Variants in INPP4B observed in about 807,000 individuals in gnomAD.
INPP4B encodes inositol polyphosphate 4-phosphatase type II.
In INPP4B, 55 loss-of-function variants were observed where a neutral mutation model predicts 122.5. The ratio of observed to expected loss-of-function variants is 0.45; its 90% confidence interval spans 0.36 to 0.56. The LOEUF is 0.56. INPP4B is among the 20% of genes least tolerant of loss of function. INPP4B has a pLI of 0.00. For synonymous variants in INPP4B, 403 were observed against 388.7 expected (o/e 1.04, Z -0.43); for missense variants, 1,000 against 1,097.7 (o/e 0.91, Z 1.26).
At chr4:142,771,056 A>G (rs1772984284) in intron 1 of INPP4B, among the ~76,000 whole-genome samples, 1 of 152,184 alleles carries the variant, frequency 6.6e-6, no homozygotes, top group Admixed American at 6.5e-5. Context: ...ACTTGAAATC[A>G]TAGGATGCTC....
At chr4:142,479,763 T>C (rs1820275819) in intron 2 of INPP4B, among the ~76,000 whole-genome samples, 1 of 151,898 alleles carries the variant, frequency 6.6e-6, no homozygotes, top group African/African-American at 2.4e-5. Flanking sequence ...AAATATTGAG[T>C]ACACGTGGAC....
At position 142,030,061 on chromosome 4, in the gene INPP4B, A is replaced by C. The variant is rs867532211; in HGVS notation, c.2643-1147T>G. 4.6e-5 allele frequency: 64 copies of C among 1,398,704 alleles called. No homozygotes were observed. In the Middle Eastern group the frequency reaches 2.0e-3, roughly 43 times the overall value. 86.6% of individuals were successfully genotyped at this position (1,398,704 alleles called of 1,614,324 possible). ...GAATTTGAAAATGTAAAAATATTAC[A>C]GCATTGTCCCCATAATTTAAAGTTC... On this transcript the variant is annotated intron_variant, in intron 25 of 25. Transcript: ENST00000262992.
chr4:142,164,405 TA>T (rs1485242796), intron 16 of INPP4B, among the ~76,000 whole-genome samples: 1 of 151,892 alleles, frequency 6.6e-6, no homozygotes, highest in Non-Finnish European at 1.5e-5. Context: ...TGCAAGTGAT[TA>T]TTATTTTAGT....
chr4:142,397,292 T>G (rs781636419), intron 7 of INPP4B, among the ~76,000 whole-genome samples: 1 of 152,086 alleles, frequency 6.6e-6, no homozygotes, highest in Non-Finnish European at 1.5e-5. Flanking sequence ...AACCACGTAG[T>G]ACACATTTTA....
At chr4:142,035,871 AGGCATG>A (rs1743552812) in intron 25 of INPP4B, among the ~76,000 whole-genome samples, 1 of 152,146 alleles carries the variant, frequency 6.6e-6, no homozygotes, top group African/African-American at 2.4e-5. Flanking sequence ...ACATGCATGC[AGGCATG>A]TGTTGGGTAG....
intron 7 of INPP4B, among the ~76,000 whole-genome samples, chr4:142,367,738 T>A (rs1340702660): frequency 6.6e-6 from 1 of 152,164 alleles, no homozygotes. Context: ...GTTTGAGAAT[T>A]GTGCCAGGTT....
At chr4:142,728,674 T>A (rs892044287) in intron 1 of INPP4B, among the ~76,000 whole-genome samples, 3 of 151,842 alleles carry the variant, frequency 2.0e-5, no homozygotes, top group Non-Finnish European at 4.4e-5. Flanking sequence ...GAGTGATAAA[T>A]CTACAAGCTA....
At chr4:142,842,922 A>T (rs927951755) in intron 1 of INPP4B, among the ~76,000 whole-genome samples, 4 of 140,738 alleles carry the variant, frequency 2.8e-5, no homozygotes, top group Non-Finnish European at 4.6e-5. Flanking sequence ...TATATACTAT[A>T]TATAATATAC....
chr4:142,355,115 G>T (rs1042436988), intron 7 of INPP4B, among the ~76,000 whole-genome samples: 4 of 151,898 alleles, frequency 2.6e-5, no homozygotes, highest in East Asian at 1.9e-4. Flanking sequence ...ATATGATTCT[G>T]GAAGTATTCC....
intron 11 of INPP4B, among the ~76,000 whole-genome samples, chr4:142,242,503 C>T (rs530860611): frequency 1.2e-4 from 19 of 152,276 alleles, no homozygotes; most frequent in African/African-American, 4.6e-4. Flanking sequence ...GGCCTTAGTT[C>T]TGTTCATTCT....
chr4:142,526,352 T>C (rs1227682601), intron 2 of INPP4B, among the ~76,000 whole-genome samples: 3 of 152,074 alleles, frequency 2.0e-5, no homozygotes, highest in South Asian at 2.1e-4. Context: ...TGTTGTGCTA[T>C]CTATTTTCAG....
chr4:142,169,022 T>G (rs1308355056), intron 16 of INPP4B, among the ~76,000 whole-genome samples: 2 of 151,698 alleles, frequency 1.3e-5, no homozygotes, highest in African/African-American at 4.8e-5. Context: ...TTGTCCACTT[T>G]CTTGTTGTTT....
chr4:142,237,128 C>G (rs1301942614), intron 12 of INPP4B, among the ~76,000 whole-genome samples: 1 of 152,126 alleles, frequency 6.6e-6, no homozygotes, highest in Non-Finnish European at 1.5e-5. Flanking sequence ...TTGTACAATA[C>G]TGTCCATTAG....
At chr4:142,252,565 T>G (rs1732863058) in intron 11 of INPP4B, among the ~76,000 whole-genome samples, 1 of 152,228 alleles carries the variant, frequency 6.6e-6, no homozygotes, top group South Asian at 2.1e-4. Flanking sequence ...CATATTCATA[T>G]TATCACATAT....
chr4:142,509,374 C>T (rs1246600363), intron 2 of INPP4B, among the ~76,000 whole-genome samples: 1 of 152,116 alleles, frequency 6.6e-6, no homozygotes, highest in African/African-American at 2.4e-5. Context: ...CTATCCCTCC[C>T]CTTGCCCCCC....
intron 12 of INPP4B, among the ~76,000 whole-genome samples, chr4:142,232,753 A>C (rs2149873960): frequency 6.6e-6 from 1 of 152,244 alleles, no homozygotes; most frequent in African/African-American, 2.4e-5. Context: ...CAAGTTGTGA[A>C]TGCAAAGAAA....
At chr4:142,708,196 G>A (rs546420749) in intron 2 of INPP4B, among the ~76,000 whole-genome samples, 8 of 152,272 alleles carry the variant, frequency 5.3e-5, no homozygotes, top group African/African-American at 9.6e-5. Context: ...ATGCTCATAT[G>A]TGTAGGCAAA....
chr4:142,377,890 A>G (rs1792579691), intron 7 of INPP4B, among the ~76,000 whole-genome samples: 1 of 152,148 alleles, frequency 6.6e-6, no homozygotes, highest in Non-Finnish European at 1.5e-5. Flanking sequence ...TGACAAAAAC[A>G]TATGTAACAT....
intron 1 of INPP4B, among the ~76,000 whole-genome samples, chr4:142,809,593 A>G (rs964947444): frequency 6.6e-6 from 1 of 152,218 alleles, no homozygotes; most frequent in Non-Finnish European, 1.5e-5. Flanking sequence ...ATCTTCATTT[A>G]CAAGCTAGTA....
Sources: gnomAD v4.1 joint callset for allele counts (sites outside exome capture counted in the v4.1 genomes callset) on GRCh38, gnomAD v4.1.1 for gene constraint, MANE v1.5 for transcripts, NCBI Gene and HGNC (gene_info 2026-07-23, HGNC 2026-07-21) for gene names.